The following HSF2BP variants were observed in gnomAD, a reference collection of about 807,000 sequenced individuals.
HSF2BP encodes heat shock transcription factor 2 binding protein.
In HSF2BP, 35 loss-of-function variants were observed where a neutral mutation model predicts 35.0. The observed-to-expected ratio is 1.00, with a 90% confidence interval of 0.76 to 1.32. The LOEUF (loss-of-function observed/expected upper bound fraction) is 1.32, where lower values mean the gene tolerates loss of function less well. HSF2BP is among the 40% of genes most tolerant of loss of function. The pLI is 0.00. For synonymous variants in HSF2BP, 114 were observed against 117.4 expected, an observed-to-expected ratio of 0.97 and a Z score of 0.18; for missense variants, 326 against 321.7, an observed-to-expected ratio of 1.01 and a Z score of -0.10.
intron 3 of HSF2BP, among the ~76,000 whole-genome samples, chr21:43,648,220 G>A (rs141092752): frequency 2.0e-5 from 3 of 152,282 alleles, no homozygotes; most frequent in Admixed American, 6.5e-5. Flanking sequence ...AGAGGCAGAT[G>A]TGAAGACCCA....
At chr21:43,579,144 T>C (rs2081686434) in intron 8 of HSF2BP, among the ~76,000 whole-genome samples, 2 of 152,240 alleles carry the variant, frequency 1.3e-5, no homozygotes, top group African/African-American at 4.8e-5. Flanking sequence ...AAGATTGTCA[T>C]CAGTTGACTG....
At chr21:43,605,147 A>T (rs1449334166) in intron 7 of HSF2BP, among the ~76,000 whole-genome samples, 1 of 149,614 alleles carries the variant, frequency 6.7e-6, no homozygotes, top group East Asian at 2.0e-4. Flanking sequence ...CACACATCAG[A>T]CACACCACAC....
rs754003014 is a variant in HSF2BP at position 43,592,330 on chromosome 21, T to A, written c.693-2A>T. On this transcript the variant is annotated splice_acceptor_variant, in intron 7 of 8. Coordinates refer to ENST00000291560, the MANE Select transcript of HSF2BP (RefSeq NM_007031.2). LOFTEE classifies it high-confidence loss of function. The stretch of plus-strand genomic sequence containing the variant: ...TTGTATAGGGACATCAGCATTAGCC[T>A]GAAATGTAAAAGAAAAAGGTGTTGG... 1 of 1,602,368 alleles carries A rather than the reference T, an allele frequency of 6.2e-7. No homozygotes were observed. The highest frequency in any genetic ancestry group is 8.6e-7 in the Non-Finnish European group (1 of 1,169,334).
chr21:43,611,531 T>C (rs549166833), intron 7 of HSF2BP, among the ~76,000 whole-genome samples: 1 of 152,348 alleles, frequency 6.6e-6, no homozygotes, highest in South Asian at 2.1e-4. Flanking sequence ...TTACCACTTT[T>C]TCCTTTAGTG....
intron 7 of HSF2BP, among the ~76,000 whole-genome samples, chr21:43,603,144 G>C (rs1329454233): frequency 6.6e-6 from 1 of 152,218 alleles, no homozygotes; most frequent in African/African-American, 2.4e-5. Context: ...AGTTGCCTAA[G>C]TGTTACCAAG....
chr21:43,639,281 T>C lies in HSF2BP; in HGVS notation c.291+5008A>G, dbSNP rs1384245370. On this transcript the variant is annotated intron_variant, in intron 4 of 8. Transcript: ENST00000291560. ...GACATAACAACAAGAAAACAGTCTA[T>C]AAAAGGAGAAATCAGTAAATTGGAC... Among the ~76,000 whole-genome samples, 3 of 152,116 alleles carry C rather than the reference T, an allele frequency of 2.0e-5. No homozygotes were observed. The East Asian group carries it at 5.8e-4, about 29-fold the overall frequency.
At chr21:43,582,237 AG>A (rs2081758268) in intron 8 of HSF2BP, among the ~76,000 whole-genome samples, 3 of 101,696 alleles carry the variant, frequency 2.9e-5, no homozygotes, top group Admixed American at 1.1e-4. Context: ...GTGGGGGATG[AG>A]GGCCTGCTGA....
At chr21:43,605,209 ACACC>A (rs2082117502) in intron 7 of HSF2BP, among the ~76,000 whole-genome samples, 1 of 145,010 alleles carries the variant, frequency 6.9e-6, no homozygotes, top group African/African-American at 2.6e-5. Context: ...CAGAGCCCAC[ACACC>A]CACACCACAC....
At chr21:43,616,753 G>T (rs1426355564) in intron 6 of HSF2BP, among the ~76,000 whole-genome samples, 1 of 152,080 alleles carries the variant, frequency 6.6e-6, no homozygotes, top group Non-Finnish European at 1.5e-5. Flanking sequence ...CTAACATGAT[G>T]AAACCGTCTC....
At chr21:43,606,619 T>C (rs2082138515) in intron 7 of HSF2BP, among the ~76,000 whole-genome samples, 1 of 151,998 alleles carries the variant, frequency 6.6e-6, no homozygotes, top group Non-Finnish European at 1.5e-5. Context: ...GCACAGCAAA[T>C]CTTGGGAGCT....
chr21:43,608,795 G>A (rs1354985295), intron 7 of HSF2BP, among the ~76,000 whole-genome samples: 1 of 150,830 alleles, frequency 6.6e-6, no homozygotes, highest in African/African-American at 2.4e-5. Flanking sequence ...GACCCCTATC[G>A]CTACCAAAAA....
chr21:43,632,535 G>A (rs955235325), intron 5 of HSF2BP, among the ~76,000 whole-genome samples: 1 of 151,602 alleles, frequency 6.6e-6, no homozygotes, highest in Admixed American at 6.6e-5. Context: ...AACTGCACAG[G>A]TCCACTTACA....
intron 8 of HSF2BP, among the ~76,000 whole-genome samples, chr21:43,589,867 C>A (rs561133598): frequency 6.6e-6 from 1 of 152,004 alleles, no homozygotes; most frequent in Non-Finnish European, 1.5e-5. Context: ...AAACTCTCAC[C>A]ACAAACAGAT....
Position 43,572,736 on chromosome 21 carries a change from G to A in HSF2BP, c.796+19489C>T, listed in dbSNP as rs551388448. Among the ~76,000 whole-genome samples the A allele has an allele frequency of 7.2e-5, 11 of 152,320 alleles. No individual in the cohort carries two copies. In the East Asian group the frequency reaches 2.1e-3, roughly 29 times the overall value. On this transcript the variant is annotated intron_variant, in intron 8 of 8. Coordinates refer to ENST00000291560, the MANE Select transcript of HSF2BP (RefSeq NM_007031.2). ...AGCTGCAGATGCTGCCTTTTCCAAC[G>A]AGCTGTCTTCAGAGTCAGAGCCCTC...
Position 43,658,173 on chromosome 21 carries a change from G to A in HSF2BP, c.-77C>T. The A allele has an allele frequency of 7.0e-7, 1 of 1,422,996 alleles. No individual in the cohort carries two copies. Among genetic ancestry groups the A allele is most frequent in the South Asian group, 1.4e-5 (1 of 70,666 alleles). The allele number at this position is 1,422,996 out of a possible 1,614,324, so 88.1% of individuals were successfully genotyped here. A position where few individuals can be genotyped will look rare whatever the true frequency, so the allele number is the denominator to read the frequency against. On this transcript the variant is annotated 5_prime_UTR_variant, in exon 2 of 9. Transcript: ENST00000291560. ...CCCTCACGCCAGAAAGCGCGGGAAC[G>A]AATCCACGCCGGGGGTCGGGAACGG... is the stretch of plus-strand genomic sequence containing the variant.
chr21:43,587,130 T>G (rs2081861365), intron 8 of HSF2BP, among the ~76,000 whole-genome samples: 1 of 152,222 alleles, frequency 6.6e-6, no homozygotes, highest in Non-Finnish European at 1.5e-5. Flanking sequence ...ATTTTCCTAT[T>G]CTATAGTAAA....
chr21:43,605,007 GACACCACACAC>G (rs976662548), intron 7 of HSF2BP, among the ~76,000 whole-genome samples: 3 of 74,388 alleles, frequency 4.0e-5, no homozygotes, highest in African/African-American at 1.6e-4. Context: ...ACACACATCA[GACACCACACAC>G]ACATCACACA....
At chr21:43,616,297 A>G (rs962809361) in intron 6 of HSF2BP, among the ~76,000 whole-genome samples, 7 of 152,184 alleles carry the variant, frequency 4.6e-5, no homozygotes, top group Middle Eastern at 3.2e-3. Flanking sequence ...CTGAGTCACT[A>G]TGAAAGAGTC....
intron 4 of HSF2BP, among the ~76,000 whole-genome samples, chr21:43,636,470 G>A (rs956943967): frequency 2.0e-5 from 3 of 152,012 alleles, no homozygotes; most frequent in Non-Finnish European, 2.9e-5. Flanking sequence ...AAAAAGACAC[G>A]CCACAGGCTA....
Sources: gnomAD v4.1 joint callset for allele counts (sites outside exome capture counted in the v4.1 genomes callset) on GRCh38, gnomAD v4.1.1 for gene constraint, MANE v1.5 for transcripts, NCBI Gene and HGNC (gene_info 2026-07-23, HGNC 2026-07-21) for gene names.